RAC2: variants seen among roughly 807,000 people sequenced by gnomAD.
RAC2 encodes ras-related C3 botulinum toxin substrate 2.
In RAC2, 1 loss-of-function variant was observed where a neutral mutation model predicts 24.0. The ratio of observed to expected loss-of-function variants is 0.04; its 90% CI spans 0.01 to 0.20. The LOEUF is 0.20. RAC2 is among the 10% of genes least tolerant of loss of function. The pLI is 1.00. For missense variants in RAC2, 130 were observed against 259.1 expected (o/e 0.50, Z 3.42); for synonymous variants, 114 against 106.8 (o/e 1.07, Z -0.41).
In RAC2 at chr22:37,226,434, C is replaced by T. The variant is rs116144494; in HGVS notation, c.*2+237G>A. 5.6e-3 allele frequency among the ~76,000 whole-genome samples: 847 copies of T among 152,084 alleles called. 6 individuals are homozygous for T. Among genetic ancestry groups the T allele is most frequent in the African/African-American group, 0.019 (786 of 41,460 alleles). Reference sequence around the variant, plus strand: ...GCTCCGTGACACCCACTCCCTGGCCCGGGGGTGGGGGGTTACCAGGCATTC... The same window carrying T: ...GCTCCGTGACACCCACTCCCTGGCCTGGGGGTGGGGGGTTACCAGGCATTC... On this transcript the variant is annotated intron_variant, in intron 6 of 6. Transcript: ENST00000249071.
chr22:37,233,779 G>A (rs1286456168), intron 2 of RAC2, among the ~76,000 whole-genome samples: 1 of 152,230 alleles, frequency 6.6e-6, no homozygotes, highest in Admixed American at 6.5e-5. Context: ...GCTGTGGACT[G>A]CTGCTGCTCT....
At chr22:37,230,675 G>A (rs1303944435) in intron 5 of RAC2, among the ~76,000 whole-genome samples, 1 of 152,112 alleles carries the variant, frequency 6.6e-6, no homozygotes, top group Non-Finnish European at 1.5e-5. Context: ...AGGCAAAGAG[G>A]GGTCGAGCTG....
chr22:37,237,466 A>G (rs1338759384), intron 2 of RAC2, among the ~76,000 whole-genome samples: 2 of 152,078 alleles, frequency 1.3e-5, no homozygotes, highest in Non-Finnish European at 2.9e-5. Context: ...ACTGGACATC[A>G]TGAGGCACCC....
In RAC2 at chr22:37,231,359, C is replaced by T. The variant is rs2145823544; in HGVS notation, c.320G>A (p.Ser107Asn). 1 of 1,614,128 alleles carries T rather than the reference C, an allele frequency of 6.2e-7. No individual in the cohort carries two copies. Among genetic ancestry groups the T allele is most frequent in the Non-Finnish European group, 8.5e-7 (1 of 1,180,030 alleles). The change falls in exon 5 of 7, where the codon AGC becomes AAC. Residue 107 changes from serine (S) to asparagine (N), a missense_variant. This residue lies in a region of RAC2 where 119 missense variants were observed against 192.1 expected (regional missense o/e 0.62). Coordinates refer to ENST00000249071, the MANE Select transcript of RAC2 (RefSeq NM_002872.5). The surrounding 1 kb of genome is among the most constrained non-coding windows in gnomAD (Gnocchi z 5.5). ...WFPEVRHHCP[S>N]TPIILVGTKL... ...GGTGCCCACCAGGATGATGGGTGTG[C>T]TGGGGCAGTGGTGCCGCACTTCTGG...
chr22:37,235,276 A>G (rs749171935), intron 2 of RAC2, among the ~76,000 whole-genome samples: 8 of 151,850 alleles, frequency 5.3e-5, no homozygotes, highest in Non-Finnish European at 1.0e-4. Context: ...ATTCCTGGTT[A>G]CCTCTCAGTT....
intron 3 of RAC2, 46 bp downstream of exon 3, chr22:37,232,755 A>G (rs2145824841): frequency 6.6e-7 from 1 of 1,511,840 alleles, no homozygotes; most frequent in Admixed American, 1.7e-5. Flanking sequence ...CAGAGGGAAC[A>G]GAGACAGCAA....
intron 1 of RAC2, among the ~76,000 whole-genome samples, chr22:37,241,970 A>G (rs1927410938): frequency 6.6e-6 from 1 of 152,214 alleles, no homozygotes. Context: ...GAGGGTGCCC[A>G]GCAGACCCAG....
At chr22:37,243,892 G>A (rs966451124) in intron 1 of RAC2, among the ~76,000 whole-genome samples, 1 of 152,158 alleles carries the variant, frequency 6.6e-6, no homozygotes, top group Admixed American at 6.5e-5. Context: ...ACCCTCCACC[G>A]AGATGGCTTC....
In RAC2 at chr22:37,232,923, G is replaced by C. The variant is rs1268302473; in HGVS notation, c.108-5C>G. ...TTGGCTGAATAGTTGTCAAACCTGT[G>C]GGGAGCAGGCAAGGCGGAGGTAAGG... On this transcript the variant is annotated splice_region_variant and splice_polypyrimidine_tract_variant and intron_variant, in intron 2 of 6. Transcript: ENST00000249071. 10 of 1,608,738 alleles carry C rather than the reference G, an allele frequency of 6.2e-6. No homozygotes were observed. The highest frequency in any genetic ancestry group is 7.7e-6 in the Non-Finnish European group (9 of 1,175,282).
chr22:37,228,048 A>G (rs1455016257), intron 5 of RAC2, among the ~76,000 whole-genome samples: 1 of 152,116 alleles, frequency 6.6e-6, no homozygotes, highest in Admixed American at 6.5e-5. Context: ...GGTTGCAAAT[A>G]ATCCCCAGGA....
intron 1 of RAC2, among the ~76,000 whole-genome samples, chr22:37,243,414 C>T (rs1240287691): frequency 1.3e-5 from 2 of 152,104 alleles, no homozygotes; most frequent in African/African-American, 4.8e-5. Flanking sequence ...CCTCCCCTGC[C>T]GACCCCACAA....
chr22:37,234,822 C>T (rs9607433), intron 2 of RAC2, among the ~76,000 whole-genome samples: 16,523 of 152,212 alleles, frequency 0.11, 985 homozygotes, highest in East Asian at 0.23. Context: ...CTCTGGAATA[C>T]GCTTCCAGCC....
chr22:37,233,192 G>C (rs549818787), intron 2 of RAC2, among the ~76,000 whole-genome samples: 1 of 152,284 alleles, frequency 6.6e-6, no homozygotes, highest in East Asian at 1.9e-4. Flanking sequence ...AGGTAATTGA[G>C]GCTGTGTAAC....
intron 6 of RAC2, among the ~76,000 whole-genome samples, chr22:37,226,270 C>A (rs4820276): frequency 0.22 from 33,139 of 151,764 alleles, 4,583 homozygotes; most frequent in African/African-American, 0.39. Flanking sequence ...ACCATCTGCC[C>A]CCTGGGGATC....
In RAC2 at chr22:37,228,122, A is replaced by G. The variant is rs1046542487; in HGVS notation, c.449-1319T>C. On this transcript the variant is annotated intron_variant, in intron 5 of 6. Transcript: ENST00000249071. ...CAACATCATCAGCCCCTTCCTTAGC[A>G]CCGTCCCTGTCTTACAGACAAGGAA... Among the ~76,000 whole-genome samples the G allele has an allele frequency of 3.3e-5, 5 of 152,142 alleles. No homozygotes were observed. The South Asian group carries it at 1.0e-3, about 32-fold the overall frequency.
chr22:37,230,773 C>T (rs1927035943), intron 5 of RAC2, among the ~76,000 whole-genome samples: 1 of 152,132 alleles, frequency 6.6e-6, no homozygotes, highest in Admixed American at 6.5e-5. Context: ...GCCACCTCCT[C>T]CAGGAAGCCT....
At chr22:37,236,895 T>G (rs1927240473) in intron 2 of RAC2, among the ~76,000 whole-genome samples, 1 of 151,932 alleles carries the variant, frequency 6.6e-6, no homozygotes, top group African/African-American at 2.4e-5. Context: ...AGATTTGCAT[T>G]TATAAAAGGT....
At chr22:37,226,876 G>A (rs1926855831) in intron 5 of RAC2, 73 bp from the exon 6 acceptor site, 1 of 1,573,580 alleles carries the variant, frequency 6.4e-7, no homozygotes. Context: ...TGTCTCCTAT[G>A]CCATACAACC....
intron 5 of RAC2, among the ~76,000 whole-genome samples, chr22:37,227,607 A>T (rs1444791189): frequency 2.3e-4 from 8 of 34,756 alleles, no homozygotes; most frequent in African/African-American, 1.1e-3. Flanking sequence ...CCCACACCAT[A>T]CACCCCTCCC....
Sources: allele counts gnomAD v4.1 joint callset (sites outside exome capture counted in the v4.1 genomes callset), GRCh38; gene constraint gnomAD v4.1.1; regional missense constraint gnomAD v4.1.1; non-coding constraint Gnocchi (gnomAD v3.1); transcripts MANE v1.5; gene names NCBI Gene and HGNC (gene_info 2026-07-23, HGNC 2026-07-21).